The following RPA2 variants were observed in gnomAD, a reference collection of about 807,000 sequenced individuals.
RPA2 encodes replication protein A2, also known as replication protein A 32 kDa subunit.
RPA2 carries 22 observed loss-of-function variants against 33.4 expected under a neutral mutation model. The ratio of observed to expected loss-of-function variants is 0.66; its 90% CI spans 0.47 to 0.94. The LOEUF is 0.94. Ranked by LOEUF, RPA2 falls within the 40% of genes least tolerant of loss-of-function variation. RPA2 has a pLI of 0.00. For synonymous variants in RPA2, 109 were observed against 114.9 expected, an observed-to-expected ratio of 0.95 and a Z score of 0.33; for missense variants, 279 against 329.9, an observed-to-expected ratio of 0.85 and a Z score of 1.19.
chr1:27,912,121 G>A (rs2090104462), intron 2 of RPA2, among the ~76,000 whole-genome samples: 2 of 151,806 alleles, frequency 1.3e-5, no homozygotes, highest in African/African-American at 4.8e-5. Flanking sequence ...AAGTTATAAA[G>A]CAATGTCCAA....
chr1:27,905,921 C>CGTGTT (rs1388012760), intron 4 of RPA2, among the ~76,000 whole-genome samples: 15 of 150,970 alleles, frequency 9.9e-5, no homozygotes, highest in East Asian at 2.0e-4. Flanking sequence ...GCCACCATGC[C>CGTGTT]AAGCCAAAAA....
chr1:27,905,133 G>A (rs549966094), intron 4 of RPA2, among the ~76,000 whole-genome samples: 1 of 152,050 alleles, frequency 6.6e-6, no homozygotes, highest in Non-Finnish European at 1.5e-5. Context: ...TAAAAATTGG[G>A]TCAAATCCTG....
At chr1:27,913,055 C>T (rs2090118673) in intron 2 of RPA2, among the ~76,000 whole-genome samples, 1 of 152,002 alleles carries the variant, frequency 6.6e-6, no homozygotes, top group Admixed American at 6.6e-5. Flanking sequence ...AGAGTTCAAG[C>T]GATTCCCCTG....
chr1:27,899,122 T>G (rs6672392), intron 4 of RPA2, among the ~76,000 whole-genome samples: 6,185 of 152,046 alleles, frequency 0.041, 288 homozygotes, highest in East Asian at 0.26. Context: ...CCTGTAATCC[T>G]AGCATTTTGG....
chr1:27,914,474 G>C lies in RPA2; in HGVS notation c.-31C>G. 1 of 1,592,090 alleles carries C rather than the reference G, an allele frequency of 6.3e-7. No homozygotes were observed. Among genetic ancestry groups the C allele is most frequent in the South Asian group, 1.1e-5 (1 of 87,928 alleles). ...TCACGATTCTCCGCAAAGAGGCCGA[G>C]AAGGTGCGGGTCTGGGGGAATAGCG... On this transcript the variant is annotated 5_prime_UTR_variant, in exon 1 of 9. Transcript: ENST00000373912.
intron 7 of RPA2, 84 bp downstream of exon 7, chr1:27,894,206 A>G: frequency 6.7e-7 from 1 of 1,502,938 alleles, no homozygotes; most frequent in Non-Finnish European, 9.2e-7. Context: ...CCAGGTACTT[A>G]AACAGTCGTA....
chr1:27,891,863 T>C lies in RPA2; in HGVS notation c.*300A>G, dbSNP rs987657853. On this transcript the variant is annotated 3_prime_UTR_variant, in exon 9 of 9. Coordinates refer to ENST00000373912, the MANE Select transcript of RPA2 (RefSeq NM_002946.5). ...AAACTCCTGAGCACTATGTAAGTAC[T>C]CTCCTGGTAGCATCCTTCCAATTCC... 1 of 316,582 alleles carries C rather than the reference T, an allele frequency of 3.2e-6. No individual in the cohort carries two copies. Among genetic ancestry groups the C allele is most frequent in the African/African-American group, 2.1e-5 (1 of 47,928 alleles). The allele number at this position is 316,582 out of a possible 1,614,324, so 19.6% of individuals were successfully genotyped here.
intron 4 of RPA2, among the ~76,000 whole-genome samples, chr1:27,902,178 C>G (rs2089975973): frequency 2.0e-5 from 3 of 152,140 alleles, no homozygotes; most frequent in Admixed American, 1.3e-4. Context: ...CCTCCATCTC[C>G]CAGGCTCAAG....
chr1:27,902,889 G>A (rs2089984449), intron 4 of RPA2, among the ~76,000 whole-genome samples: 2 of 151,068 alleles, frequency 1.3e-5, no homozygotes. Context: ...TGTCAAATGT[G>A]TATTTCCCCC....
At chr1:27,899,747 C>T (rs1048744391) in intron 4 of RPA2, among the ~76,000 whole-genome samples, 24 of 152,002 alleles carry the variant, frequency 1.6e-4, no homozygotes, top group Admixed American at 3.9e-4. Flanking sequence ...GTGGTGGGAT[C>T]TCAGCTCACT....
At chr1:27,894,874 G>T (rs1392670524) in intron 6 of RPA2, among the ~76,000 whole-genome samples, 2 of 151,926 alleles carry the variant, frequency 1.3e-5, no homozygotes, top group Non-Finnish European at 2.9e-5. Flanking sequence ...TTTCTCCCCA[G>T]TCACTCCTCA....
intron 4 of RPA2, among the ~76,000 whole-genome samples, chr1:27,905,789 G>A (rs551617775): frequency 1.6e-5 from 2 of 127,984 alleles, no homozygotes; most frequent in South Asian, 2.4e-4. Flanking sequence ...CACCACACCC[G>A]GCTAATGTTT....
intron 4 of RPA2, among the ~76,000 whole-genome samples, chr1:27,898,022 G>A (rs755454070): frequency 2.0e-5 from 3 of 151,946 alleles, no homozygotes; most frequent in African/African-American, 4.8e-5. Flanking sequence ...AGGGAGTCTC[G>A]CTCTGTCACC....
chr1:27,894,168 C>A, intron 7 of RPA2, 62 bp from the exon 8 acceptor site: 1 of 1,534,460 alleles, frequency 6.5e-7, no homozygotes, highest in Non-Finnish European at 9.0e-7. Context: ...CTTTGCAAAC[C>A]TGAGTCCCTT....
At chr1:27,892,986 G>A (rs1018989511) in intron 8 of RPA2, among the ~76,000 whole-genome samples, 1 of 152,152 alleles carries the variant, frequency 6.6e-6, no homozygotes, top group Non-Finnish European at 1.5e-5. Flanking sequence ...TGTCTAAGAT[G>A]GAATCAGGAC....
intron 2 of RPA2, among the ~76,000 whole-genome samples, chr1:27,911,522 A>T (rs1009772571): frequency 6.6e-6 from 1 of 152,206 alleles, no homozygotes; most frequent in Non-Finnish European, 1.5e-5. Flanking sequence ...AAAGATGAGA[A>T]CCAATCATCT....
chr1:27,905,705 G>A (rs1272173765), intron 4 of RPA2, among the ~76,000 whole-genome samples: 1 of 151,896 alleles, frequency 6.6e-6, no homozygotes, highest in Non-Finnish European at 1.5e-5. Context: ...TTGGCTCACT[G>A]CAAGCTCCGC....
chr1:27,909,093 G>C (rs1328896795), intron 2 of RPA2, among the ~76,000 whole-genome samples: 1 of 152,126 alleles, frequency 6.6e-6, no homozygotes, highest in Admixed American at 6.6e-5. Context: ...CAGGCTGAGG[G>C]CAAGTATGTA....
rs1272819104 is a variant in RPA2, at chr1:27,894,125, A to G, written c.634-19T>C. 2 of 1,608,432 alleles carry G rather than the reference A, an allele frequency of 1.2e-6. No homozygotes were observed. Among genetic ancestry groups the G allele is most frequent in the South Asian group, 2.2e-5 (2 of 90,958 alleles). ...TCAACACCTGAAGATTCAAATCAGA[A>G]AGATTTTAGCAATTATTTTGGATCA... On this transcript the variant is annotated intron_variant, in intron 7 of 8. Coordinates refer to ENST00000373912, the MANE Select transcript of RPA2 (RefSeq NM_002946.5).
Sources: gnomAD v4.1 joint callset for allele counts (sites outside exome capture counted in the v4.1 genomes callset) on GRCh38, gnomAD v4.1.1 for gene constraint, MANE v1.5 for transcripts, NCBI Gene and HGNC (gene_info 2026-07-23, HGNC 2026-07-21) for gene names.